ZNF142: variants seen among roughly 807,000 people sequenced by gnomAD.
ZNF142 encodes the protein zinc finger protein 142 (clone pHZ-49).
A neutral mutation model predicts 132.1 loss-of-function variants in ZNF142; 96 were observed. That is an observed-to-expected ratio of 0.73 (90% CI 0.62 to 0.86). The LOEUF (loss-of-function observed/expected upper bound fraction) is 0.86. Ranked by LOEUF, ZNF142 falls within the 40% of genes least tolerant of loss-of-function variation. The pLI is 0.00. For synonymous variants in ZNF142, 842 were observed against 890.1 expected (o/e 0.95, Z 0.96); for missense variants, 2,163 against 2,336.2 (o/e 0.93, Z 1.53).
Position 218,640,704 on chromosome 2 carries a change from C to T in ZNF142, c.5154G>A (p.Lys1718=), listed in dbSNP as rs1353248421. The part of the protein sequence containing the change: ...YLCPECGYKC[K]WVNQLKYHMT... ...TGTGGTATTTCAGCTGGTTGACCCA[C>T]TTGCACTTGTAGCCACACTCAGGGC... Residue 1718 remains lysine (K), a synonymous_variant, in exon 10 of 11, where the codon AAG becomes AAA. Transcript: ENST00000411696. The T allele has an allele frequency of 6.2e-7, 1 of 1,614,210 alleles. No homozygotes were observed. Among genetic ancestry groups the T allele is most frequent in the South Asian group, 1.1e-5 (1 of 91,080 alleles).
rs1339714954 is a variant in ZNF142, at chr2:218,642,671, C to T, written c.4445G>A (p.Gly1482Asp). The T allele has an allele frequency of 6.2e-7, 1 of 1,614,084 alleles. No individual in the cohort carries two copies. Among genetic ancestry groups the T allele is most frequent in the Admixed American group, 1.7e-5 (1 of 60,022 alleles). The change falls in exon 9 of 11, where the codon GGC becomes GAC. Residue 1482 changes from glycine (G) to aspartate (D), a missense_variant. By Grantham distance (94) the Gly-to-Asp change is moderately conservative (BLOSUM62 -1). This residue lies in a region of ZNF142 where 809 missense variants were observed against 801.7 expected (regional missense o/e 1.01). Transcript: ENST00000411696. This position sits in a 1 kb window ranked among gnomAD's most constrained non-coding sequence, Gnocchi z 4.6. Reference protein sequence around the residue: ...ITRHVNSCHQGTPAFACSQCE... With the variant: ...ITRHVNSCHQDTPAFACSQCE... ...CTGGGAGCAGGCAAAGGCTGGGGTG[C>T]CTTGGTGGCAGCTGTTGACATGACG...
chr2:218,656,304 G>A lies in ZNF142; in HGVS notation c.126C>T (p.Ser42=), dbSNP rs1179605180. ...SNRGILGPVQ[S]PCPSRDPAPI... ...GTGCAGGGTCCCGGGAAGGACAGGG[G>A]CTCTGGACAGGCCCCAGGATTCCAC... The change falls in exon 4 of 11, where the codon AGC becomes AGT. Residue 42 remains serine, a synonymous_variant. Transcript: ENST00000411696. The A allele has an allele frequency of 6.2e-7, 1 of 1,610,662 alleles. No homozygotes were observed. The highest frequency in any genetic ancestry group is 8.5e-7 in the Non-Finnish European group (1 of 1,178,222).
intron 10 of ZNF142, 120 bp downstream of exon 10, chr2:218,640,543 GT>G: frequency 1.2e-6 from 1 of 833,912 alleles, no homozygotes; most frequent in Admixed American, 2.1e-5. Context: ...CCACCCTGCT[GT>G]CTACTCCCAA....
At chr2:218,638,871 G>T (rs1430061085) in intron 10 of ZNF142, 63 bp from the exon 11 acceptor site, 2 of 1,322,104 alleles carry the variant, frequency 1.5e-6, no homozygotes, top group Non-Finnish European at 2.0e-6. Context: ...GGGCCATGGA[G>T]TTACTGCAAT....
intron 4 of ZNF142, among the ~76,000 whole-genome samples, chr2:218,653,369 G>C (rs902751966): frequency 1.3e-5 from 2 of 151,906 alleles, no homozygotes; most frequent in African/African-American, 4.8e-5. Flanking sequence ...CCTGAGGTTG[G>C]GAGTTTGAGA....
At chr2:218,647,524 G>A (rs1308481428) in intron 7 of ZNF142, among the ~76,000 whole-genome samples, 1 of 151,324 alleles carries the variant, frequency 6.6e-6, no homozygotes, top group Non-Finnish European at 1.5e-5. Context: ...GAGGCACAGA[G>A]AAATCATAGA....
rs376667902 is a variant in ZNF142 at position 218,646,231 on chromosome 2, T to C, written c.1991A>G (p.Tyr664Cys). 4.3e-5 allele frequency: 69 copies of C among 1,614,100 alleles called. No individual in the cohort carries two copies. The highest frequency in any genetic ancestry group is 1.3e-4 in the South Asian group (12 of 91,094). ...GAGGTAGTGCTTCCACTTGGTGACATAGCCACATTCAGTGCACATGTAATC... is the reference window on the plus strand; with the variant it reads ...GAGGTAGTGCTTCCACTTGGTGACACAGCCACATTCAGTGCACATGTAATC... ...TKDYMCTECG[Y>C]VTKWKHYLRV... Residue 664 changes from tyrosine (Y) to cysteine (C), a missense_variant, in exon 8 of 11, where the codon TAT becomes TGT. Physicochemically the swap from Tyr to Cys is radical, Grantham distance 194. Around this residue, in one of 7 missense-constraint regions of ZNF142, gnomAD observed 749 missense variants for 830.3 expected, o/e 0.90. Transcript: ENST00000411696.
chr2:218,647,368 A>G (rs925597882), intron 7 of ZNF142, among the ~76,000 whole-genome samples: 4 of 129,386 alleles, frequency 3.1e-5, no homozygotes, highest in African/African-American at 1.1e-4. Flanking sequence ...GCTTGCAGTG[A>G]GCCGAGATTG....
Position 218,636,738 on chromosome 2 carries a change from C to A in ZNF142, c.*1601G>T. 1.3e-6 allele frequency: 1 copy of A among 756,656 alleles called. No individual in the cohort carries two copies. The highest frequency in any genetic ancestry group is 2.2e-6 in the Non-Finnish European group (1 of 453,898). The allele number at this position is 756,656 out of a possible 1,614,324, so 46.9% of individuals were successfully genotyped here. A position where few individuals can be genotyped will look rare whatever the true frequency, so the allele number is the denominator to read the frequency against. ...ATTCTTCCTAACAAGCAATCTGGGA[C>A]CTGATTTTCCACCTTTTTTCTCTTT... On this transcript the variant is annotated 3_prime_UTR_variant, in exon 11 of 11. Transcript: ENST00000411696.
chr2:218,634,272 G>C lies in ZNF142; in HGVS notation c.*4067C>G. On this transcript the variant is annotated 3_prime_UTR_variant, in exon 11 of 11. Coordinates refer to ENST00000411696, the MANE Select transcript of ZNF142 (RefSeq NM_001379659.1). The surrounding 1 kb of genome is among the most constrained non-coding windows in gnomAD (Gnocchi z 4.0). ...GAGGGAGTGGAGGAGCAGCAGGTGG[G>C]AAATAAGTTCTCTAGTGATGGTAGG... The C allele has an allele frequency of 6.3e-7, 1 of 1,580,006 alleles. No homozygotes were observed. The highest frequency in any genetic ancestry group is 8.6e-7 in the Non-Finnish European group (1 of 1,162,854).
intron 3 of ZNF142, 126 bp from the exon 4 acceptor site, chr2:218,656,589 T>C: frequency 2.0e-6 from 1 of 502,446 alleles, no homozygotes; most frequent in East Asian, 3.4e-5. Flanking sequence ...ATGCCATATA[T>C]ACCATATGAG....
chr2:218,648,569 C>T, intron 7 of ZNF142, 66 bp downstream of exon 7: 1 of 1,484,690 alleles, frequency 6.7e-7, no homozygotes, highest in South Asian at 1.3e-5. Context: ...GTATGCAAGA[C>T]CCTTTGTAGC....
rs753207595 is a variant in ZNF142, at chr2:218,650,388, T to C, written c.1019A>G (p.Asp340Gly). Residue 340 changes from aspartate to glycine, a missense_variant, in exon 6 of 11, where the codon GAT becomes GGT. Physicochemically the swap from Asp to Gly is moderately conservative, Grantham distance 94. Coordinates refer to ENST00000411696, the MANE Select transcript of ZNF142 (RefSeq NM_001379659.1). The part of the protein sequence containing the change: ...DTQKDSQKAV[D>G]KGQGAQRLEG... Reference sequence around the variant, plus strand: ...CAGCCGCTGAGCCCCTTGGCCTTTATCCACAGCCTTTTGGGAGTCCTTCTG... The same window carrying C: ...CAGCCGCTGAGCCCCTTGGCCTTTACCCACAGCCTTTTGGGAGTCCTTCTG... 1 of 1,614,228 alleles carries C rather than the reference T, an allele frequency of 6.2e-7. No individual in the cohort carries two copies. The highest frequency in any genetic ancestry group is 8.5e-7 in the Non-Finnish European group (1 of 1,180,030).
chr2:218,634,437 C>T lies in ZNF142; in HGVS notation c.*3902G>A, dbSNP rs1696591776. On this transcript the variant is annotated 3_prime_UTR_variant, in exon 11 of 11. Coordinates refer to ENST00000411696, the MANE Select transcript of ZNF142 (RefSeq NM_001379659.1). This position sits in a 1 kb window ranked among gnomAD's most constrained non-coding sequence, Gnocchi z 4.0. ...GGCCTCCATGGTGAATCTTGCTCTT[C>T]TTTTCTCCTGGGGCCCTCAGTGGCC... 1 of 1,604,318 alleles carries T rather than the reference C, an allele frequency of 6.2e-7. No homozygotes were observed. The highest frequency in any genetic ancestry group is 1.3e-5 in the African/African-American group (1 of 74,472).
chr2:218,654,806 T>C (rs950537648), intron 4 of ZNF142, among the ~76,000 whole-genome samples: 2 of 151,102 alleles, frequency 1.3e-5, no homozygotes, highest in Non-Finnish European at 2.9e-5. Flanking sequence ...AGGTTTCTGC[T>C]GGGTGCGATG....
chr2:218,648,643 A>G lies in ZNF142; in HGVS notation c.1865T>C (p.Leu622Pro), dbSNP rs1237320200. The change falls in exon 7 of 11, where the codon CTA becomes CCA. Residue 622 changes from leucine to proline, a missense_variant. By Grantham distance (98) the Leu-to-Pro change is moderately conservative (BLOSUM62 -3). Transcript: ENST00000411696. ...GATGGAAACCATCCTACCCGTATGT[A>G]GAAGCATGTGTCGGATGAGCACCCT... ...HKRVLIRHML[L>P]HTGEKPHKCE... 6.2e-7 allele frequency: 1 copy of G among 1,612,778 alleles called. No homozygotes were observed. Among genetic ancestry groups the G allele is most frequent in the Non-Finnish European group, 8.5e-7 (1 of 1,178,734 alleles).
At position 218,634,432 on chromosome 2, in the gene ZNF142, CTCT is replaced by C. The variant is rs1575043152; in HGVS notation, c.*3904_*3906del. On this transcript the variant is annotated 3_prime_UTR_variant, in exon 11 of 11. Transcript: ENST00000411696. The surrounding 1 kb of genome is among the most constrained non-coding windows in gnomAD (Gnocchi z 4.0). ...TGGAAGGCCTCCATGGTGAATCTTG[CTCT>C]TCTTTTCTCCTGGGGCCCTCAGTGG... The C allele has an allele frequency of 5.0e-6, 8 of 1,602,534 alleles. No homozygotes were observed. The highest frequency in any genetic ancestry group is 6.8e-6 in the Non-Finnish European group (8 of 1,174,222).
Position 218,656,387 on chromosome 2 carries a change from C to A in ZNF142, c.43G>T (p.Gly15Trp). The change falls in exon 4 of 11, where the codon GGG becomes TGG. Residue 15 changes from glycine to tryptophan, a missense_variant. Gly to Trp is a radical substitution (Grantham distance 184). Coordinates refer to ENST00000411696, the MANE Select transcript of ZNF142 (RefSeq NM_001379659.1). ...LLDSQPASSTGEMDGLCPELL... is the reference protein window; with the variant it reads ...LLDSQPASSTWEMDGLCPELL... ...TCAGGGCACAGTCCATCCATCTCCC[C>A]GGTGCTACTGGCTGGCTGTGAGTCC... 4.1e-6 allele frequency: 6 copies of A among 1,449,396 alleles called. No individual in the cohort carries two copies. The highest frequency in any genetic ancestry group is 5.5e-6 in the Non-Finnish European group (6 of 1,086,638). 89.8% of individuals were successfully genotyped at this position (1,449,396 alleles called of 1,614,324 possible). A position where few individuals can be genotyped will look rare whatever the true frequency, so the allele number is the denominator to read the frequency against.
chr2:218,644,524 G>A lies in ZNF142; in HGVS notation c.2592C>T (p.Asn864=). The change falls in exon 9 of 11, where the codon AAC becomes AAT. Residue 864 remains asparagine, a synonymous_variant. Coordinates refer to ENST00000411696, the MANE Select transcript of ZNF142 (RefSeq NM_001379659.1). The surrounding 1 kb of genome is among the most constrained non-coding windows in gnomAD (Gnocchi z 4.6). ...QALPEMSEEV[N]TGRQEGSEAP... is the part of the protein sequence containing the mutation. ...CCTCACTGCCCTCCTGTCTTCCAGT[G>A]TTGACCTCCTCACTCATCTCTGGCA... 2 of 1,613,988 alleles carry A rather than the reference G, an allele frequency of 1.2e-6. No homozygotes were observed. The highest frequency in any genetic ancestry group is 1.7e-6 in the Non-Finnish European group (2 of 1,180,032).
Sources: gnomAD v4.1 joint callset for allele counts (sites outside exome capture counted in the v4.1 genomes callset) on GRCh38, gnomAD v4.1.1 for gene constraint, gnomAD v4.1.1 regional missense constraint, Gnocchi (gnomAD v3.1) non-coding constraint, MANE v1.5 for transcripts, NCBI Gene and HGNC (gene_info 2026-07-23, HGNC 2026-07-21) for gene names.